Variants in KIF13B observed in about 807,000 individuals in gnomAD.
KIF13B encodes kinesin-like protein KIF13B.
KIF13B carries 127 observed loss-of-function variants against 222.0 expected under a neutral mutation model. That is an observed-to-expected ratio of 0.57 (90% CI 0.50 to 0.66). The LOEUF (loss-of-function observed/expected upper bound fraction) is 0.66, where lower values mean the gene tolerates loss of function less well. KIF13B is among the 30% of genes least tolerant of loss of function. KIF13B has a pLI of 0.00. For missense variants in KIF13B, 2,173 were observed against 2,379.0 expected, an observed-to-expected ratio of 0.91 and a Z score of 1.80; for synonymous variants, 976 against 919.0, an observed-to-expected ratio of 1.06 and a Z score of -1.12.
intron 18 of KIF13B, chr8:29,145,941 C>T: frequency 4.4e-6 from 1 of 227,346 alleles, no homozygotes; most frequent in South Asian, 9.5e-5. Context: ...ATACATGACA[C>T]CATGACACAA....
At chr8:29,105,751 C>T (rs1016140400) in intron 35 of KIF13B, among the ~76,000 whole-genome samples, 3 of 149,606 alleles carry the variant, frequency 2.0e-5, no homozygotes, top group Non-Finnish European at 3.0e-5. Flanking sequence ...TTCCGCCTCC[C>T]GGGTTCAAGA....
At chr8:29,210,237 T>C (rs10108004) in intron 2 of KIF13B, among the ~76,000 whole-genome samples, 1,582 of 152,256 alleles carry the variant, frequency 0.01, 29 homozygotes, top group African/African-American at 0.036. Flanking sequence ...GTTCACAGGA[T>C]TGACATTCAG....
intron 5 of KIF13B, among the ~76,000 whole-genome samples, chr8:29,186,969 CAAA>C (rs766708048): frequency 7.3e-5 from 5 of 68,646 alleles, no homozygotes; most frequent in Admixed American, 1.6e-4. Context: ...ACTCCATCTC[CAAA>C]AAAAAAAAAA....
In KIF13B at chr8:29,153,680, C is replaced by CAA. The variant is rs11422906; in HGVS notation, c.1535+2044_1535+2045dup. On this transcript the variant is annotated intron_variant, in intron 14 of 39. Transcript: ENST00000524189. ...ACAAGGAAGGCCTCTTAACTCCTGC[C>CAA]AAAAAAAAAAAAAGAAAAGGCTTAT... Among the ~76,000 whole-genome samples the CAA allele has an allele frequency of 2.1e-3, 290 of 140,662 alleles. 1 individual carries two copies. Among genetic ancestry groups the CAA allele is most frequent in the Middle Eastern group, 0.015 (4 of 274 alleles). The allele number at this position is 140,662 out of a possible 152,430, so 92.3% of individuals were successfully genotyped here. A position where few individuals can be genotyped will look rare whatever the true frequency, so the allele number is the denominator to read the frequency against.
chr8:29,189,008 C>A (rs1813063326), intron 4 of KIF13B, among the ~76,000 whole-genome samples: 1 of 152,142 alleles, frequency 6.6e-6, no homozygotes, highest in African/African-American at 2.4e-5. Flanking sequence ...TATATACCAA[C>A]CCCCTCTCCT....
Position 29,127,173 on chromosome 8 carries a change from TC to T in KIF13B, c.3170del (p.Gly1057AspfsTer32). ...MEECILSVGI[G>X]CVKVRPLRAP... Reference sequence around the variant, plus strand: ...CTCTGAGCGGTCTAACTTTGACACATCCAATGCCAACAGACAGTATACATTC... The same window carrying T: ...CTCTGAGCGGTCTAACTTTGACACATCAATGCCAACAGACAGTATACATTC... On this transcript the variant is annotated frameshift_variant, in exon 25 of 40. Transcript: ENST00000524189. LOFTEE classifies it high-confidence loss of function. 6.2e-7 allele frequency: 1 copy of T among 1,613,968 alleles called. No homozygotes were observed. Among genetic ancestry groups the T allele is most frequent in the South Asian group, 1.1e-5 (1 of 91,084 alleles).
intron 12 of KIF13B, among the ~76,000 whole-genome samples, chr8:29,162,672 G>A (rs868676668): frequency 2.6e-5 from 4 of 152,244 alleles, no homozygotes; most frequent in Middle Eastern, 3.4e-3. Flanking sequence ...TGTCAAAGCC[G>A]AAAGAGGCAC....
chr8:29,210,769 G>A (rs1814185806), intron 2 of KIF13B, among the ~76,000 whole-genome samples: 1 of 152,192 alleles, frequency 6.6e-6, no homozygotes, highest in Non-Finnish European at 1.5e-5. Flanking sequence ...TACCAAAGAA[G>A]AATGTTTCAG....
chr8:29,089,639 A>G (rs1808200243), intron 37 of KIF13B, among the ~76,000 whole-genome samples: 1 of 152,134 alleles, frequency 6.6e-6, no homozygotes. Flanking sequence ...CAAGCCTATA[A>G]TCCCAGCACT....
intron 21 of KIF13B, among the ~76,000 whole-genome samples, chr8:29,135,408 C>T (rs147967932): frequency 2.4e-3 from 363 of 152,210 alleles, no homozygotes; most frequent in Non-Finnish European, 4.1e-3. Flanking sequence ...TCTCCAACTA[C>T]GAAGAAAATG....
chr8:29,231,215 C>T (rs535737366), intron 2 of KIF13B, among the ~76,000 whole-genome samples: 8 of 152,214 alleles, frequency 5.3e-5, no homozygotes, highest in Non-Finnish European at 7.3e-5. Flanking sequence ...TGTCCCCCAT[C>T]CTACTTTTAA....
intron 21 of KIF13B, 155 bp downstream of exon 21, chr8:29,139,908 A>G (rs1034671906): frequency 7.4e-6 from 5 of 679,022 alleles, no homozygotes; most frequent in Admixed American, 6.4e-5. Context: ...AAAATTTGAA[A>G]AGGAACATAA....
rs1021017753 is a variant in KIF13B, at chr8:29,108,150, C to T, written c.4204G>A (p.Gly1402Ser). 1.2e-6 allele frequency: 2 copies of T among 1,611,542 alleles called. No homozygotes were observed. The highest frequency in any genetic ancestry group is 1.7e-6 in the Non-Finnish European group (2 of 1,178,844). ...GTTAAAACACCTACCTTGTTGCTGC[C>T]TAGACTGTATGATGGAATGAGATCT... is the stretch of plus-strand genomic sequence containing the variant. ...RQDLIPSYSL[G>S]SNKGRWESQQ... The change falls in exon 35 of 40, where the codon GGC (glycine) becomes AGC (serine). Residue 1402 changes from glycine to serine, a missense_variant. By Grantham distance (56) the Gly-to-Ser change is moderately conservative. Coordinates refer to ENST00000524189, the MANE Select transcript of KIF13B (RefSeq NM_015254.4).
chr8:29,136,464 C>T (rs1329805251), intron 21 of KIF13B, among the ~76,000 whole-genome samples: 1 of 152,072 alleles, frequency 6.6e-6, no homozygotes, highest in Admixed American at 6.5e-5. Flanking sequence ...CCTGTAATCC[C>T]AGCTACTCAG....
Position 29,083,395 on chromosome 8 carries a change from T to C in KIF13B, c.4459-8052A>G, listed in dbSNP as rs544622556. Reference sequence around the variant, plus strand: ...ATCTGTTCCTTTATAAAATAAAGTATGGCAACACTCGGTCTAGAGAATAAA... The same window carrying C: ...ATCTGTTCCTTTATAAAATAAAGTACGGCAACACTCGGTCTAGAGAATAAA... On this transcript the variant is annotated intron_variant, in intron 37 of 39. Coordinates refer to ENST00000524189, the MANE Select transcript of KIF13B (RefSeq NM_015254.4). Among the ~76,000 whole-genome samples, 13 of 152,358 alleles carry C rather than the reference T, an allele frequency of 8.5e-5. No individual in the cohort carries two copies. In the South Asian group the frequency reaches 2.7e-3, roughly 32 times the overall value.
At chr8:29,239,996 C>G (rs1469500449) in intron 2 of KIF13B, among the ~76,000 whole-genome samples, 1 of 148,174 alleles carries the variant, frequency 6.7e-6, no homozygotes, top group African/African-American at 2.5e-5. Context: ...TGTATGTGTA[C>G]CCCTGGAATC....
chr8:29,113,437 G>C, intron 32 of KIF13B, 26 bp downstream of exon 32: 2 of 1,405,260 alleles, frequency 1.4e-6, no homozygotes, highest in Non-Finnish European at 2.0e-6. Context: ...TTTATTTTTA[G>C]TAAATTTAAA....
intron 2 of KIF13B, among the ~76,000 whole-genome samples, chr8:29,240,350 A>C (rs1815717152): frequency 6.6e-6 from 1 of 151,704 alleles, no homozygotes; most frequent in Admixed American, 6.6e-5. Flanking sequence ...AGCCGCTTTC[A>C]CGTAAGAATG....
chr8:29,073,803 CCA>C (rs1807425948), intron 38 of KIF13B, among the ~76,000 whole-genome samples: 2 of 152,164 alleles, frequency 1.3e-5, no homozygotes, highest in Non-Finnish European at 2.9e-5. Context: ...TCCCCACCAA[CCA>C]CACTTTCAGG....
Sources: allele counts gnomAD v4.1 joint callset (sites outside exome capture counted in the v4.1 genomes callset), GRCh38; gene constraint gnomAD v4.1.1; transcripts MANE v1.5; gene names NCBI Gene and HGNC (gene_info 2026-07-23, HGNC 2026-07-21).